Variants in PUS7L observed in about 807,000 individuals in gnomAD.
PUS7L encodes pseudouridine synthase 7 like.
PUS7L carries 49 observed loss-of-function variants against 51.1 expected under a neutral mutation model. That is an observed-to-expected ratio of 0.96 (90% CI 0.76 to 1.22). The LOEUF is 1.22. Ranked by LOEUF, PUS7L falls within the 50% of genes most tolerant of loss-of-function variation. PUS7L has a pLI of 0.00. For synonymous variants in PUS7L, 277 were observed against 276.2 expected, an observed-to-expected ratio of 1.00 and a Z score of -0.03; for missense variants, 828 against 820.6, an observed-to-expected ratio of 1.01 and a Z score of -0.11.
At chr12:43,734,906 CTT>C (rs954074144) in intron 7 of PUS7L, among the ~76,000 whole-genome samples, 6 of 152,170 alleles carry the variant, frequency 3.9e-5, no homozygotes, top group Middle Eastern at 3.2e-3. Context: ...ATGAGACTGA[CTT>C]ATGATAAAGT....
chr12:43,753,034 C>G (rs1249274323), intron 2 of PUS7L, among the ~76,000 whole-genome samples: 1 of 151,958 alleles, frequency 6.6e-6, no homozygotes, highest in Non-Finnish European at 1.5e-5. Context: ...CTCATTAACC[C>G]AAATTAATAT....
In PUS7L at chr12:43,738,325, ACTT is replaced by A; in HGVS notation, c.1426_1428del (p.Lys476del). ...ACGTAAATACCAGTTTGAAGAAAAT[ACTT>A]CTTTGCTCTATTTACAGGATCATCC... On this transcript the variant is annotated inframe_deletion, in exon 6 of 9. Coordinates refer to ENST00000344862, the MANE Select transcript of PUS7L (RefSeq NM_031292.5). The A allele has an allele frequency of 6.4e-7, 1 of 1,564,118 alleles. No individual in the cohort carries two copies.
At position 43,719,672 on chromosome 12, in the gene PUS7L, CACATA is replaced by C. The variant is rs1362297404; in HGVS notation, c.*10699_*10703del. ...ATTACAGGATTATCATTATAGTATT[CACATA>C]ACATAATACTGTCAAATTATATTTT... On this transcript the variant is annotated 3_prime_UTR_variant, in exon 9 of 9. Transcript: ENST00000344862. 22 of 152,256 alleles carry C rather than the reference CACATA, an allele frequency of 1.4e-4. No individual in the cohort carries two copies. The highest frequency in any genetic ancestry group is 2.6e-4 in the African/African-American group (11 of 41,544). The allele number at this position is 152,256 out of a possible 1,614,324, so 9.4% of individuals were successfully genotyped here. A position where few individuals can be genotyped will look rare whatever the true frequency, so the allele number is the denominator to read the frequency against.
At position 43,755,107 on chromosome 12, in the gene PUS7L, T is replaced by C. The variant is rs1291139596; in HGVS notation, c.139A>G (p.Asn47Asp). The change falls in exon 2 of 9, where the codon AAT becomes GAT. Residue 47 changes from asparagine (N) to aspartate (D), a missense_variant. Coordinates refer to ENST00000344862, the MANE Select transcript of PUS7L (RefSeq NM_031292.5). ...IEIDEQGQLV[N>D]KTIDEPIFKI... The stretch of plus-strand genomic sequence containing the variant: ...AAAATAGGCTCATCGATGGTCTTAT[T>C]AACTAACTGTCCCTGTTCATCAATT... 3.7e-6 allele frequency: 6 copies of C among 1,613,744 alleles called. No individual in the cohort carries two copies. The Admixed American group carries it at 6.7e-5, about 18-fold the overall frequency.
chr12:43,728,989 G>A lies in PUS7L; in HGVS notation c.*1387C>T. The A allele has an allele frequency of 2.9e-6, 1 of 350,336 alleles. No homozygotes were observed. Among genetic ancestry groups the A allele is most frequent in the Admixed American group, 4.7e-5 (1 of 21,168 alleles). The allele number at this position is 350,336 out of a possible 1,614,324, so 21.7% of individuals were successfully genotyped here. ...CAATATCTGTGCTTTTAATCACTAT[G>A]CTAACATGTCTCTTATTTGTGAAAG... is the stretch of plus-strand genomic sequence containing the variant. On this transcript the variant is annotated 3_prime_UTR_variant, in exon 9 of 9. Coordinates refer to ENST00000344862, the MANE Select transcript of PUS7L (RefSeq NM_031292.5).
At position 43,730,354 on chromosome 12, in the gene PUS7L, G is replaced by A; in HGVS notation, c.*22C>T. 1 of 1,582,006 alleles carries A rather than the reference G, an allele frequency of 6.3e-7. No homozygotes were observed. The highest frequency in any genetic ancestry group is 1.7e-4 in the Middle Eastern group (1 of 5,822). ...TTCCTTCAAAGAGTGACATATATAT[G>A]GTTATACCAAGGGTATCAGTTTTAA... On this transcript the variant is annotated 3_prime_UTR_variant, in exon 9 of 9. Transcript: ENST00000344862.
rs565094444 is a variant in PUS7L at position 43,721,535 on chromosome 12, T to A, written c.*8841A>T. On this transcript the variant is annotated 3_prime_UTR_variant, in exon 9 of 9. Coordinates refer to ENST00000344862, the MANE Select transcript of PUS7L (RefSeq NM_031292.5). Reference sequence around the variant, plus strand: ...GTATATTTGCAGTATTCACTCAGCATTTTTAACCCTGTTATATGTCAGGCA... The same window carrying A: ...GTATATTTGCAGTATTCACTCAGCAATTTTAACCCTGTTATATGTCAGGCA... The A allele has an allele frequency of 6.6e-6, 1 of 152,316 alleles. No individual in the cohort carries two copies. Among genetic ancestry groups the A allele is most frequent in the Non-Finnish European group, 1.5e-5 (1 of 68,014 alleles). 9.4% of individuals were successfully genotyped at this position (152,316 alleles called of 1,614,324 possible). A position where few individuals can be genotyped will look rare whatever the true frequency, so the allele number is the denominator to read the frequency against.
chr12:43,720,157 A>C lies in PUS7L; in HGVS notation c.*10219T>G, dbSNP rs532812124. The C allele has an allele frequency of 2.0e-5, 3 of 152,312 alleles. No individual in the cohort carries two copies. The South Asian group carries it at 6.2e-4, about 32-fold the overall frequency. 9.4% of individuals were successfully genotyped at this position (152,312 alleles called of 1,614,324 possible). ...TAGTATGGTTTAATATCATTGACTT[A>C]AAAATATTTTCTAATTTCATTTTGT... On this transcript the variant is annotated 3_prime_UTR_variant, in exon 9 of 9. Transcript: ENST00000344862.
Position 43,729,477 on chromosome 12 carries a change from G to T in PUS7L, c.*899C>A. On this transcript the variant is annotated 3_prime_UTR_variant, in exon 9 of 9. Transcript: ENST00000344862. ...CACCCATATTTAACTGATATAAAAT[G>T]GTGAAGGATGATTTATAATGTGGGA... 3.0e-6 allele frequency: 1 copy of T among 337,948 alleles called. No homozygotes were observed. Among genetic ancestry groups the T allele is most frequent in the Non-Finnish European group, 5.3e-6 (1 of 187,128 alleles). 20.9% of individuals were successfully genotyped at this position (337,948 alleles called of 1,614,324 possible).
chr12:43,748,409 T>C, intron 3 of PUS7L, 41 bp downstream of exon 3: 1 of 1,429,904 alleles, frequency 7.0e-7, no homozygotes, highest in Non-Finnish European at 9.6e-7. Flanking sequence ...ATCTTCCACT[T>C]CTCAAAGTTT....
rs1209949149 is a variant in PUS7L, at chr12:43,755,326, A to G, written c.-16-65T>C. On this transcript the variant is annotated intron_variant, in intron 1 of 8. Transcript: ENST00000344862. ...AGAAGTTATGGATGACCAAATAGGA[A>G]TAGGTTTGCAGGATTTAGTTAATTC... The G allele has an allele frequency of 4.2e-6, 4 of 953,312 alleles. No individual in the cohort carries two copies. In the African/African-American group the frequency reaches 6.6e-5, roughly 16 times the overall value. The allele number at this position is 953,312 out of a possible 1,614,324, so 59.1% of individuals were successfully genotyped here.
Position 43,742,563 on chromosome 12 carries a change from T to C in PUS7L, c.1264-8A>G. The C allele has an allele frequency of 6.4e-7, 1 of 1,574,684 alleles. No individual in the cohort carries two copies. The highest frequency in any genetic ancestry group is 8.6e-7 in the Non-Finnish European group (1 of 1,161,922). ...ATTCACAAAGCCTTTTTTCTATGTA[T>C]ACAAAATAATCAACAAATTAAGAGT... is the stretch of plus-strand genomic sequence containing the variant. On this transcript the variant is annotated splice_polypyrimidine_tract_variant and splice_region_variant and intron_variant, in intron 4 of 8. Transcript: ENST00000344862.
chr12:43,735,830 G>A (rs1030730712), intron 7 of PUS7L, among the ~76,000 whole-genome samples: 1 of 151,986 alleles, frequency 6.6e-6, no homozygotes, highest in Non-Finnish European at 1.5e-5. Context: ...TGCCTGGAGC[G>A]CCATGGCACG....
At chr12:43,751,817 G>A (rs1176716430) in intron 2 of PUS7L, among the ~76,000 whole-genome samples, 2 of 152,214 alleles carry the variant, frequency 1.3e-5, no homozygotes, top group East Asian at 3.9e-4. Flanking sequence ...CCCACCAACA[G>A]TGTAAAAGTG....
At chr12:43,755,568 T>C (rs1938661700) in intron 1 of PUS7L, among the ~76,000 whole-genome samples, 1 of 152,220 alleles carries the variant, frequency 6.6e-6, no homozygotes, top group African/African-American at 2.4e-5. Context: ...CTTAAAAATA[T>C]CATTTGTAGG....
intron 1 of PUS7L, among the ~76,000 whole-genome samples, chr12:43,755,511 C>T (rs1464860521): frequency 6.6e-6 from 1 of 152,182 alleles, no homozygotes; most frequent in African/African-American, 2.4e-5. Context: ...TCTTCACTCA[C>T]TCCAGATTTG....
rs2137649644 is a variant in PUS7L, at chr12:43,727,441, C to CCATTACAG, written c.*2927_*2934dup. On this transcript the variant is annotated 3_prime_UTR_variant, in exon 9 of 9. Coordinates refer to ENST00000344862, the MANE Select transcript of PUS7L (RefSeq NM_031292.5). ...AAAGACATGGAACCAACCTAGATGCCCATTACAGTGGACTGGATAAAGAAA... is the reference window on the plus strand; with the variant it reads ...AAAGACATGGAACCAACCTAGATGCCCATTACAGCATTACAGTGGACTGGATAAAGAAA... 6.6e-6 allele frequency: 1 copy of CCATTACAG among 152,216 alleles called. No individual in the cohort carries two copies. The highest frequency in any genetic ancestry group is 2.1e-4 in the South Asian group (1 of 4,818). The allele number at this position is 152,216 out of a possible 1,614,324, so 9.4% of individuals were successfully genotyped here. A position where few individuals can be genotyped will look rare whatever the true frequency, so the allele number is the denominator to read the frequency against.
rs373028775 is a variant in PUS7L at position 43,730,548 on chromosome 12, A to C, written c.1934T>G (p.Leu645Trp). ...LNIPGCYRQI[L>W]KHPCNLSYQL... ...GTATGAGAGATTACAGGGATGTTTC[A>C]AAATCTGTCTATAGCAACCTGGTAT... Residue 645 changes from leucine (L) to tryptophan (W), a missense_variant, in exon 9 of 9, where the codon TTG becomes TGG. Leu to Trp is a moderately conservative substitution (Grantham distance 61, BLOSUM62 -2). Transcript: ENST00000344862. The C allele has an allele frequency of 4.4e-5, 71 of 1,613,784 alleles. No homozygotes were observed. The highest frequency in any genetic ancestry group is 5.9e-5 in the Non-Finnish European group (70 of 1,179,880).
chr12:43,729,922 A>C lies in PUS7L; in HGVS notation c.*454T>G, dbSNP rs1944511021. The C allele has an allele frequency of 6.2e-6, 1 of 160,822 alleles. No homozygotes were observed. The highest frequency in any genetic ancestry group is 2.4e-5 in the African/African-American group (1 of 41,516). 10.0% of individuals were successfully genotyped at this position (160,822 alleles called of 1,614,324 possible). A position where few individuals can be genotyped will look rare whatever the true frequency, so the allele number is the denominator to read the frequency against. On this transcript the variant is annotated 3_prime_UTR_variant, in exon 9 of 9. Coordinates refer to ENST00000344862, the MANE Select transcript of PUS7L (RefSeq NM_031292.5). ...ATTGTTCTGATCAATAATTTCAAAAACAGGAAAGGGGGACAATAATAATTA... is the reference window on the plus strand; with the variant it reads ...ATTGTTCTGATCAATAATTTCAAAACCAGGAAAGGGGGACAATAATAATTA...
Sources: allele counts gnomAD v4.1 joint callset (sites outside exome capture counted in the v4.1 genomes callset), GRCh38; gene constraint gnomAD v4.1.1; transcripts MANE v1.5; gene names NCBI Gene and HGNC (gene_info 2026-07-23, HGNC 2026-07-21).